The following BRINP2 variants were observed in gnomAD, a reference collection of about 807,000 sequenced individuals.
The protein encoded by BRINP2 is BMP/retinoic acid inducible neural specific 2, also known as BMP/retinoic acid-inducible neural-specific protein 2.
In BRINP2, 21 loss-of-function variants were observed where a neutral mutation model predicts 69.2. The ratio of observed to expected loss-of-function variants is 0.30; its 90% CI spans 0.22 to 0.44. BRINP2 has a LOEUF of 0.44. Among genes scored for constraint, BRINP2 ranks in the 20% least tolerant of loss-of-function variants. BRINP2 has a pLI of 1.00. For missense variants in BRINP2, 877 were observed against 986.0 expected (o/e 0.89, Z 1.48); for synonymous variants, 380 against 394.1 (o/e 0.96, Z 0.42).
intron 3 of BRINP2, chr1:177,256,886 C>T (rs1448435684): frequency 2.4e-6 from 3 of 1,235,018 alleles, no homozygotes; most frequent in Non-Finnish European, 3.1e-6. Context: ...TGTGTCTCCC[C>T]TATGAAGATG....
intron 1 of BRINP2, among the ~76,000 whole-genome samples, chr1:177,194,245 C>G (rs983793490): frequency 2.6e-5 from 4 of 152,184 alleles, no homozygotes; most frequent in African/African-American, 9.7e-5. Flanking sequence ...TTTAAAGCAA[C>G]TTGTAGGAAA....
chr1:177,256,254 G>T, intron 3 of BRINP2, 145 bp downstream of exon 3: 3 of 1,415,192 alleles, frequency 2.1e-6, no homozygotes, highest in Non-Finnish European at 1.9e-6. Flanking sequence ...TGAAAACAGT[G>T]CAGTCTCTTG....
intron 2 of BRINP2, among the ~76,000 whole-genome samples, chr1:177,241,877 G>A (rs1463858073): frequency 1.3e-5 from 2 of 152,186 alleles, no homozygotes; most frequent in Non-Finnish European, 2.9e-5. Context: ...TCAGTGCTTC[G>A]AGGAACGTTG....
intron 4 of BRINP2, among the ~76,000 whole-genome samples, chr1:177,261,574 T>G (rs544034472): frequency 6.6e-6 from 1 of 152,316 alleles, no homozygotes; most frequent in South Asian, 2.1e-4. Flanking sequence ...GAATGTGACA[T>G]TCCTATCAGA....
intron 1 of BRINP2, among the ~76,000 whole-genome samples, chr1:177,186,168 G>A (rs1162444602): frequency 6.6e-6 from 1 of 152,066 alleles, no homozygotes; most frequent in African/African-American, 2.4e-5. Flanking sequence ...CAGTAGGCTG[G>A]CCCTTGTCAG....
intron 7 of BRINP2, among the ~76,000 whole-genome samples, chr1:177,280,185 A>C (rs1430452373): frequency 6.6e-6 from 1 of 152,172 alleles, no homozygotes; most frequent in African/African-American, 2.4e-5. Flanking sequence ...TCTCAGTACA[A>C]ATTTGGTGTC....
intron 4 of BRINP2, among the ~76,000 whole-genome samples, chr1:177,269,075 G>A (rs544383021): frequency 2.6e-5 from 4 of 152,196 alleles, no homozygotes; most frequent in Non-Finnish European, 4.4e-5. Flanking sequence ...CAACCCCCAT[G>A]TACTACCCTA....
intron 1 of BRINP2, among the ~76,000 whole-genome samples, chr1:177,206,633 A>G (rs1345832860): frequency 1.3e-5 from 2 of 152,172 alleles, no homozygotes; most frequent in Non-Finnish European, 2.9e-5. Flanking sequence ...CCACTCACAC[A>G]CATGCCTGAA....
Position 177,201,052 on chromosome 1 carries a change from T to C in BRINP2, c.-76-28749T>C, listed in dbSNP as rs537461335. Among the ~76,000 whole-genome samples, 188 of 152,098 alleles carry C rather than the reference T, an allele frequency of 1.2e-3. 1 individual carries two copies. Among genetic ancestry groups the C allele is most frequent in the African/African-American group, 4.1e-3 (169 of 41,514 alleles). On this transcript the variant is annotated intron_variant, in intron 1 of 7. Coordinates refer to ENST00000361539, the MANE Select transcript of BRINP2 (RefSeq NM_021165.4). ...ACTCAGGGGCAAGGGTGGGAGTTGG[T>C]GAGGGATAAAAGACTACACATTGGG...
Position 177,281,753 on chromosome 1 carries a change from C to T in BRINP2, c.*225C>T. 4.4e-6 allele frequency: 2 copies of T among 455,268 alleles called. No homozygotes were observed. Among genetic ancestry groups the T allele is most frequent in the Non-Finnish European group, 7.6e-6 (2 of 264,752 alleles). The allele number at this position is 455,268 out of a possible 1,614,324, so 28.2% of individuals were successfully genotyped here. A position where few individuals can be genotyped will look rare whatever the true frequency, so the allele number is the denominator to read the frequency against. ...ACACACACACACTGGCACAGGGAGG[C>T]TACAACTAAGCAGCCTCAGATCTGT... On this transcript the variant is annotated 3_prime_UTR_variant, in exon 8 of 8. Coordinates refer to ENST00000361539, the MANE Select transcript of BRINP2 (RefSeq NM_021165.4).
intron 2 of BRINP2, among the ~76,000 whole-genome samples, chr1:177,243,755 T>G (rs1415429747): frequency 6.6e-6 from 1 of 152,206 alleles, no homozygotes; most frequent in Admixed American, 6.5e-5. Flanking sequence ...ATACAATTTA[T>G]GAGAGACATA....
At chr1:177,207,848 C>G (rs1180768917) in intron 1 of BRINP2, among the ~76,000 whole-genome samples, 2 of 152,004 alleles carry the variant, frequency 1.3e-5, no homozygotes, top group African/African-American at 2.4e-5. Flanking sequence ...GGAAAGTGAA[C>G]CAAGAAGCTA....
At chr1:177,227,809 G>C (rs2102323628) in intron 1 of BRINP2, among the ~76,000 whole-genome samples, 1 of 152,106 alleles carries the variant, frequency 6.6e-6, no homozygotes, top group East Asian at 1.9e-4. Context: ...ATATAAAAAG[G>C]TTTATTTCTG....
chr1:177,207,854 A>G (rs1271706974), intron 1 of BRINP2, among the ~76,000 whole-genome samples: 1 of 152,186 alleles, frequency 6.6e-6, no homozygotes, highest in Non-Finnish European at 1.5e-5. Flanking sequence ...TGAACCAAGA[A>G]GCTAAATCTA....
intron 2 of BRINP2, among the ~76,000 whole-genome samples, chr1:177,247,128 G>T (rs577560432): frequency 4.6e-5 from 7 of 152,206 alleles, no homozygotes; most frequent in African/African-American, 1.7e-4. Context: ...TGATGTCATC[G>T]CTTGGTGGAC....
At chr1:177,258,559 T>TTTTGTC (rs1230221329) in intron 4 of BRINP2, among the ~76,000 whole-genome samples, 4 of 149,862 alleles carry the variant, frequency 2.7e-5, no homozygotes, top group African/African-American at 9.7e-5. Flanking sequence ...GATACTGTGG[T>TTTTGTC]TTTGTTTTTG....
intron 2 of BRINP2, among the ~76,000 whole-genome samples, chr1:177,252,800 C>T (rs1650624096): frequency 6.6e-6 from 1 of 152,096 alleles, no homozygotes; most frequent in African/African-American, 2.4e-5. Flanking sequence ...TTTAGACCTA[C>T]ATATGAGTGA....
intron 1 of BRINP2, among the ~76,000 whole-genome samples, chr1:177,196,218 T>C (rs1648739384): frequency 6.6e-6 from 1 of 152,218 alleles, no homozygotes; most frequent in Non-Finnish European, 1.5e-5. Flanking sequence ...AACCCAGATA[T>C]ACCTTAGAAT....
intron 1 of BRINP2, among the ~76,000 whole-genome samples, chr1:177,207,923 G>T (rs1408106597): frequency 1.3e-5 from 2 of 152,158 alleles, no homozygotes; most frequent in Admixed American, 1.3e-4. Context: ...AAAGAGAAAA[G>T]TCAGGCCAGA....
Sources: gnomAD v4.1 joint callset for allele counts (sites outside exome capture counted in the v4.1 genomes callset) on GRCh38, gnomAD v4.1.1 for gene constraint, MANE v1.5 for transcripts, NCBI Gene and HGNC (gene_info 2026-07-23, HGNC 2026-07-21) for gene names.